Variants in OSBPL1A observed in about 807,000 individuals in gnomAD.
OSBPL1A encodes oxysterol binding protein like 1A, also known as oxysterol-binding protein-related protein 1.
A neutral mutation model predicts 137.1 loss-of-function variants in OSBPL1A; 80 were observed. The ratio of observed to expected loss-of-function variants is 0.58; its 90% CI spans 0.49 to 0.70. The LOEUF is 0.70. Ranked by LOEUF, OSBPL1A falls within the 30% of genes least tolerant of loss-of-function variation. The probability of loss-of-function intolerance (pLI) is 0.00; values close to 1 mark genes in which losing one functional copy is unlikely to be tolerated. For missense variants in OSBPL1A, 970 were observed against 1,129.4 expected (o/e 0.86, Z 2.02); for synonymous variants, 365 against 389.7 (o/e 0.94, Z 0.75).
chr18:24,247,764 G>A (rs1303922658), intron 15 of OSBPL1A, among the ~76,000 whole-genome samples: 2 of 151,890 alleles, frequency 1.3e-5, no homozygotes, highest in Non-Finnish European at 2.9e-5. Context: ...GCCACATCAC[G>A]CCTAGCCTAC....
At chr18:24,328,960 T>G (rs1240312864) in intron 7 of OSBPL1A, among the ~76,000 whole-genome samples, 1 of 152,176 alleles carries the variant, frequency 6.6e-6, no homozygotes, top group Non-Finnish European at 1.5e-5. Context: ...TACTAGAAAT[T>G]TAAAATTACA....
chr18:24,166,260 CCT>C (rs934421333), intron 26 of OSBPL1A, among the ~76,000 whole-genome samples: 2 of 152,158 alleles, frequency 1.3e-5, no homozygotes, highest in African/African-American at 4.8e-5. Context: ...GCCACACTCT[CCT>C]CTGAGGCTGA....
chr18:24,317,431 C>G (rs752471460), intron 9 of OSBPL1A, 31 bp from the exon 10 acceptor site: 2 of 1,519,958 alleles, frequency 1.3e-6, no homozygotes, highest in Non-Finnish European at 1.8e-6. Context: ...ATTTCCCAAG[C>G]TGACACATCT....
At chr18:24,213,398 T>C (rs948179480) in intron 17 of OSBPL1A, among the ~76,000 whole-genome samples, 2 of 152,072 alleles carry the variant, frequency 1.3e-5, no homozygotes, top group African/African-American at 4.8e-5. Flanking sequence ...TGAAATCCTG[T>C]CTCTACTAAA....
intron 14 of OSBPL1A, among the ~76,000 whole-genome samples, chr18:24,283,134 T>C (rs1450869304): frequency 1.3e-5 from 2 of 150,764 alleles, no homozygotes. Flanking sequence ...GCATGGTGGC[T>C]GGCGCCTGTA....
At chr18:24,287,958 A>G (rs2090098879) in intron 14 of OSBPL1A, among the ~76,000 whole-genome samples, 1 of 152,150 alleles carries the variant, frequency 6.6e-6, no homozygotes, top group Non-Finnish European at 1.5e-5. Context: ...GCCCTGTACG[A>G]CAGGCCTGAA....
chr18:24,216,423 C>T (rs2087702365), intron 17 of OSBPL1A, among the ~76,000 whole-genome samples: 1 of 152,178 alleles, frequency 6.6e-6, no homozygotes, highest in African/African-American at 2.4e-5. Flanking sequence ...AGGAGAATTG[C>T]TTGAACCCGG....
At chr18:24,177,267 G>A (rs1433215742) in intron 21 of OSBPL1A, among the ~76,000 whole-genome samples, 1 of 152,192 alleles carries the variant, frequency 6.6e-6, no homozygotes, top group East Asian at 1.9e-4. Flanking sequence ...CTTCCTGCAA[G>A]GGTATCTTTC....
chr18:24,386,762 C>A (rs1175471942), intron 1 of OSBPL1A, among the ~76,000 whole-genome samples: 1 of 152,012 alleles, frequency 6.6e-6, no homozygotes, highest in Non-Finnish European at 1.5e-5. Context: ...GAGTTTGAGA[C>A]CAGCCTGGGC....
chr18:24,275,097 G>A (rs1489401160), intron 15 of OSBPL1A, among the ~76,000 whole-genome samples: 1 of 152,086 alleles, frequency 6.6e-6, no homozygotes, highest in Non-Finnish European at 1.5e-5. Context: ...GGAAATACTG[G>A]CAAGAACAGT....
intron 17 of OSBPL1A, among the ~76,000 whole-genome samples, chr18:24,205,158 T>A (rs1437821915): frequency 6.6e-6 from 1 of 152,220 alleles, no homozygotes; most frequent in Non-Finnish European, 1.5e-5. Flanking sequence ...TGGTCATATA[T>A]TGAATTAGTA....
chr18:24,317,109 T>G (rs2090750498), intron 11 of OSBPL1A, 40 bp downstream of exon 11: 1 of 1,601,664 alleles, frequency 6.2e-7, no homozygotes. Context: ...AAGAACTGAT[T>G]TCACAGTTAG....
At chr18:24,303,449 T>A (rs988921904) in intron 14 of OSBPL1A, among the ~76,000 whole-genome samples, 188 bp downstream of exon 14, 1 of 152,182 alleles carries the variant, frequency 6.6e-6, no homozygotes, top group African/African-American at 2.4e-5. Flanking sequence ...ACATTATTAA[T>A]CTCTAAAGCA....
rs529291219 is a variant in OSBPL1A at position 24,379,464 on chromosome 18, A to T, written c.-2-1929T>A. Among the ~76,000 whole-genome samples the T allele has an allele frequency of 2.1e-3, 321 of 149,624 alleles. 2 individuals carry two copies. In the Middle Eastern group the frequency reaches 0.022, roughly 10 times the overall value. On this transcript the variant is annotated intron_variant, in intron 1 of 27. Coordinates refer to ENST00000319481, the MANE Select transcript of OSBPL1A (RefSeq NM_080597.4). ...GAACCTGGGAGGTGGAGGTTGCAGT[A>T]AGCTGAGATCATGCCACTGCACTCC... is the stretch of plus-strand genomic sequence containing the variant.
chr18:24,170,388 G>A lies in OSBPL1A; in HGVS notation c.2357C>T (p.Thr786Met), dbSNP rs1297582136. 5.0e-6 allele frequency: 8 copies of A among 1,613,886 alleles called. No homozygotes were observed. Among genetic ancestry groups the A allele is most frequent in the African/African-American group, 1.3e-5 (1 of 74,894 alleles). Residue 786 changes from threonine (T) to methionine (M), a missense_variant, in exon 24 of 28, where the codon ACG becomes ATG. Physicochemically the swap from Thr to Met is moderately conservative, Grantham distance 81. Around this residue, in one of 2 missense-constraint regions of OSBPL1A, gnomAD observed 323 missense variants for 456.8 expected, o/e 0.71. Coordinates refer to ENST00000319481, the MANE Select transcript of OSBPL1A (RefSeq NM_080597.4). ...ATCATTTTTTTTGTAAGCGTCAAACGTGGCAGGGTCAACACTGTATAAACA... is the reference window on the plus strand; with the variant it reads ...ATCATTTTTTTTGTAAGCGTCAAACATGGCAGGGTCAACACTGTATAAACA... ...TECLYSVDPA[T>M]FDAYKKNDKK...
chr18:24,365,894 C>A (rs1055046123), intron 4 of OSBPL1A, among the ~76,000 whole-genome samples: 2 of 152,148 alleles, frequency 1.3e-5, no homozygotes, highest in African/African-American at 4.8e-5. Flanking sequence ...TTCTCCCCAC[C>A]ACCAAGCAAG....
At chr18:24,345,685 C>CA (rs553024210) in intron 4 of OSBPL1A, among the ~76,000 whole-genome samples, 2,024 of 142,566 alleles carry the variant, frequency 0.014, 43 homozygotes, top group African/African-American at 0.045. Flanking sequence ...GACTCCATCT[C>CA]AAAAAAAAAA....
At chr18:24,310,655 A>G (rs1372076739) in intron 13 of OSBPL1A, among the ~76,000 whole-genome samples, 1 of 151,290 alleles carries the variant, frequency 6.6e-6, no homozygotes, top group Non-Finnish European at 1.5e-5. Context: ...TTTTAATGGT[A>G]TGTAAGTTAG....
At position 24,271,752 on chromosome 18, in the gene OSBPL1A, C is replaced by A; in HGVS notation, c.1281+9090G>T. 5 of 985,560 alleles carry A rather than the reference C, an allele frequency of 5.1e-6. No individual in the cohort carries two copies. The highest frequency in any genetic ancestry group is 6.0e-6 in the Non-Finnish European group (5 of 830,064). 61.1% of individuals were successfully genotyped at this position (985,560 alleles called of 1,614,324 possible). Reference sequence around the variant, plus strand: ...CCGAGGCGAGCCGATCCGGGAGGCGCGACCCAGGGCGGCCCGCAAGGTCTC... The same window carrying A: ...CCGAGGCGAGCCGATCCGGGAGGCGAGACCCAGGGCGGCCCGCAAGGTCTC... On this transcript the variant is annotated intron_variant, in intron 15 of 27. Coordinates refer to ENST00000319481, the MANE Select transcript of OSBPL1A (RefSeq NM_080597.4). The surrounding 1 kb of genome is among the most constrained non-coding windows in gnomAD (Gnocchi z 4.0).
Sources: gnomAD v4.1 joint callset for allele counts (sites outside exome capture counted in the v4.1 genomes callset) on GRCh38, gnomAD v4.1.1 for gene constraint, gnomAD v4.1.1 regional missense constraint, Gnocchi (gnomAD v3.1) non-coding constraint, MANE v1.5 for transcripts, NCBI Gene and HGNC (gene_info 2026-07-23, HGNC 2026-07-21) for gene names.